Variants in DPP10 observed in about 807,000 individuals in gnomAD.
The protein encoded by DPP10 is dipeptidyl peptidase like 10.
A neutral mutation model predicts 120.9 loss-of-function variants in DPP10; 33 were observed. The ratio of observed to expected loss-of-function variants is 0.27; its 90% CI spans 0.21 to 0.37. The LOEUF (loss-of-function observed/expected upper bound fraction) is 0.37. Among genes scored for constraint, DPP10 ranks in the 10% least tolerant of loss-of-function variants. DPP10 has a pLI of 1.00. For synonymous variants in DPP10, 337 were observed against 326.1 expected, an observed-to-expected ratio of 1.03 and a Z score of -0.36; for missense variants, 816 against 942.8, an observed-to-expected ratio of 0.87 and a Z score of 1.76.
At chr2:115,269,461 G>A (rs966509098) in intron 1 of DPP10, among the ~76,000 whole-genome samples, 2 of 152,142 alleles carry the variant, frequency 1.3e-5, no homozygotes, top group African/African-American at 2.4e-5. Flanking sequence ...TTCCAGTTAA[G>A]CGATTGACAG....
At chr2:115,839,205 G>T (rs557212416) in intron 24 of DPP10, among the ~76,000 whole-genome samples, 1 of 152,150 alleles carries the variant, frequency 6.6e-6, no homozygotes, top group Non-Finnish European at 1.5e-5. Context: ...CCCATTAAGT[G>T]CCATAGGAAG....
chr2:115,344,019 C>T (rs2106261164), intron 3 of DPP10, 107 bp downstream of exon 3: 2 of 839,594 alleles, frequency 2.4e-6, no homozygotes, highest in South Asian at 3.0e-5. Context: ...GCCTGTCATC[C>T]CAGCACCTTG....
intron 1 of DPP10, among the ~76,000 whole-genome samples, chr2:114,747,603 A>C (rs1678697093): frequency 6.6e-6 from 1 of 152,212 alleles, no homozygotes. Context: ...GAAAACCTGA[A>C]ACCATTCCTA....
chr2:115,739,653 A>G (rs1559095345), intron 8 of DPP10, 86 bp from the exon 9 acceptor site: 2 of 1,382,146 alleles, frequency 1.4e-6, no homozygotes, highest in East Asian at 4.6e-5. Flanking sequence ...ATATAGGTGT[A>G]CAATGGAGAT....
At chr2:114,753,182 T>A (rs1214940207) in intron 1 of DPP10, among the ~76,000 whole-genome samples, 1 of 152,012 alleles carries the variant, frequency 6.6e-6, no homozygotes, top group Non-Finnish European at 1.5e-5. Context: ...TCAAGAAAGA[T>A]CAGGTAGGAT....
At chr2:115,620,348 G>T (rs756343983) in intron 5 of DPP10, among the ~76,000 whole-genome samples, 1 of 152,174 alleles carries the variant, frequency 6.6e-6, no homozygotes, top group Non-Finnish European at 1.5e-5. Context: ...GAAACTTGTA[G>T]CTGTCATCTT....
chr2:115,363,514 C>A (rs953061363), intron 3 of DPP10, among the ~76,000 whole-genome samples: 4 of 152,134 alleles, frequency 2.6e-5, no homozygotes, highest in African/African-American at 9.7e-5. Flanking sequence ...AATCAGTGTA[C>A]AGTACCTGAA....
intron 21 of DPP10, among the ~76,000 whole-genome samples, chr2:115,824,924 AAATT>A (rs1688162018): frequency 6.6e-6 from 1 of 152,180 alleles, no homozygotes; most frequent in Non-Finnish European, 1.5e-5. Context: ...AGCATTGATT[AAATT>A]AATTACCTTC....
intron 1 of DPP10, among the ~76,000 whole-genome samples, chr2:114,510,873 C>A (rs1046420127): frequency 6.6e-6 from 1 of 152,208 alleles, no homozygotes; most frequent in South Asian, 2.1e-4. Flanking sequence ...AAACACAAAT[C>A]TAGATGTAAA....
At chr2:115,235,899 C>T (rs559176107) in intron 1 of DPP10, among the ~76,000 whole-genome samples, 17 of 152,220 alleles carry the variant, frequency 1.1e-4, no homozygotes, top group Middle Eastern at 3.4e-3. Context: ...AATAAGTACA[C>T]GATGGAGGAT....
At chr2:115,343,788 C>T in intron 2 of DPP10, 29 bp from the exon 3 acceptor site, 1 of 1,510,212 alleles carries the variant, frequency 6.6e-7, no homozygotes, top group Non-Finnish European at 9.1e-7. Flanking sequence ...ATAAGATAGG[C>T]ATCTAACCTA....
chr2:115,358,726 G>T (rs188426295), intron 3 of DPP10, among the ~76,000 whole-genome samples: 3 of 152,150 alleles, frequency 2.0e-5, no homozygotes, highest in Non-Finnish European at 4.4e-5. Flanking sequence ...AATTTATAAA[G>T]AAAAGAGGTT....
intron 1 of DPP10, among the ~76,000 whole-genome samples, chr2:114,738,817 G>A (rs1195782436): frequency 6.6e-6 from 1 of 152,086 alleles, no homozygotes; most frequent in South Asian, 2.1e-4. Context: ...GACCTAAAGC[G>A]CTTGTGGTAA....
At chr2:115,690,203 AC>A (rs1266836571) in intron 7 of DPP10, among the ~76,000 whole-genome samples, 6 of 152,184 alleles carry the variant, frequency 3.9e-5, no homozygotes, top group African/African-American at 1.4e-4. Flanking sequence ...AGGACCTTGT[AC>A]TGCATACTTT....
chr2:114,590,671 G>A (rs540997854), intron 1 of DPP10, among the ~76,000 whole-genome samples: 104 of 152,268 alleles, frequency 6.8e-4, no homozygotes, highest in Non-Finnish European at 1.2e-3. Flanking sequence ...TAAGGAGTTG[G>A]AAAGAGAGGC....
chr2:114,652,732 A>G (rs780100754), intron 1 of DPP10, among the ~76,000 whole-genome samples: 1 of 152,142 alleles, frequency 6.6e-6, no homozygotes, highest in Non-Finnish European at 1.5e-5. Flanking sequence ...CCATTTCTCT[A>G]AAGTAAACAT....
intron 7 of DPP10, among the ~76,000 whole-genome samples, chr2:115,713,151 A>T (rs1415019876): frequency 6.7e-6 from 1 of 149,572 alleles, no homozygotes; most frequent in Non-Finnish European, 1.5e-5. Context: ...TAAAAAAATA[A>T]TTAAAAGAAA....
At chr2:115,012,060 T>C (rs920072776) in intron 1 of DPP10, among the ~76,000 whole-genome samples, 1 of 151,942 alleles carries the variant, frequency 6.6e-6, no homozygotes, top group East Asian at 1.9e-4. Context: ...GAGGCAGCCA[T>C]AATCACCCTC....
intron 1 of DPP10, among the ~76,000 whole-genome samples, chr2:115,240,560 A>T (rs533938538): frequency 1.3e-5 from 2 of 152,018 alleles, no homozygotes; most frequent in African/African-American, 4.8e-5. Flanking sequence ...GATTGCAAAA[A>T]TTTTTTCCAA....
Sources: allele counts gnomAD v4.1 joint callset (sites outside exome capture counted in the v4.1 genomes callset), GRCh38; gene constraint gnomAD v4.1.1; transcripts MANE v1.5; gene names NCBI Gene and HGNC (gene_info 2026-07-23, HGNC 2026-07-21).